Variants in LMNTD1 observed in about 807,000 individuals in gnomAD.
LMNTD1 encodes lamin tail domain-containing protein 1.
In LMNTD1, 35 loss-of-function variants were observed where a neutral mutation model predicts 50.9. The ratio of observed to expected loss-of-function variants is 0.69; its 90% CI spans 0.53 to 0.91. The LOEUF (loss-of-function observed/expected upper bound fraction) is 0.91, where lower values mean the gene tolerates loss of function less well. Among genes scored for constraint, LMNTD1 ranks in the 40% least tolerant of loss-of-function variants. LMNTD1 has a pLI of 0.00. For missense variants in LMNTD1, 470 were observed against 475.5 expected (o/e 0.99, Z 0.11); for synonymous variants, 153 against 161.9 (o/e 0.94, Z 0.42).
chr12:25,479,385 G>A (rs1938370752), intron 9 of LMNTD1, among the ~76,000 whole-genome samples: 1 of 152,104 alleles, frequency 6.6e-6, no homozygotes, highest in Non-Finnish European at 1.5e-5. Context: ...CCTGGCTATG[G>A]GAGAAACAGT....
chr12:25,547,209 G>T lies in LMNTD1; in HGVS notation c.311-655C>A. 2.1e-6 allele frequency: 2 copies of T among 962,994 alleles called. 1 individual carries two copies. The highest frequency in any genetic ancestry group is 9.6e-5 in the South Asian group (2 of 20,766). 59.7% of individuals were successfully genotyped at this position (962,994 alleles called of 1,614,324 possible). A position where few individuals can be genotyped will look rare whatever the true frequency, so the allele number is the denominator to read the frequency against. ...TCTGGACAAATCTAATAATATATCC[G>T]CAAAGGGGGAGTTACATTACAAAGA... On this transcript the variant is annotated intron_variant, in intron 3 of 9. Coordinates refer to ENST00000458174, the MANE Select transcript of LMNTD1 (RefSeq NM_001145728.2).
chr12:25,551,589 C>T (rs1013125582), intron 2 of LMNTD1, among the ~76,000 whole-genome samples: 5 of 152,072 alleles, frequency 3.3e-5, no homozygotes, highest in Admixed American at 2.6e-4. Flanking sequence ...TGTGGTGTTG[C>T]TATGTTGCCC....
chr12:25,620,270 TTTAATG>T (rs1184819857), intron 1 of LMNTD1, among the ~76,000 whole-genome samples: 1 of 152,214 alleles, frequency 6.6e-6, no homozygotes, highest in African/African-American at 2.4e-5. Flanking sequence ...AAAGGCCTTT[TTTAATG>T]TTAACGGAAC....
intron 1 of LMNTD1, among the ~76,000 whole-genome samples, chr12:25,564,309 AG>A (rs1944459228): frequency 6.6e-6 from 1 of 152,174 alleles, no homozygotes; most frequent in Non-Finnish European, 1.5e-5. Context: ...CCCAGGCTGG[AG>A]GGCAGTGGCA....
chr12:25,625,423 G>A (rs1352973314), intron 1 of LMNTD1, among the ~76,000 whole-genome samples: 2 of 152,078 alleles, frequency 1.3e-5, no homozygotes, highest in Non-Finnish European at 2.9e-5. Flanking sequence ...TATTCTGGGT[G>A]GAGTTTCACC....
chr12:25,534,604 G>C (rs576711026), intron 4 of LMNTD1, among the ~76,000 whole-genome samples: 13 of 152,268 alleles, frequency 8.5e-5, no homozygotes, highest in African/African-American at 2.4e-4. Flanking sequence ...TCCCCTTTGA[G>C]TATTTAGCAG....
Position 25,509,440 on chromosome 12 carries a change from C to T in LMNTD1, c.1190-5640G>A, listed in dbSNP as rs527800415. On this transcript the variant is annotated intron_variant, in intron 8 of 9. Coordinates refer to ENST00000458174, the MANE Select transcript of LMNTD1 (RefSeq NM_001145728.2). ...TTCTACTATTCTTTTAGTTTCCATC[C>T]TATATTACAACATGTATTTTTGATT... Among the ~76,000 whole-genome samples the T allele has an allele frequency of 2.6e-5, 4 of 152,306 alleles. No homozygotes were observed. The South Asian group carries it at 8.3e-4, about 32-fold the overall frequency.
intron 1 of LMNTD1, among the ~76,000 whole-genome samples, chr12:25,558,998 G>A (rs537528246): frequency 6.7e-6 from 1 of 148,792 alleles, no homozygotes; most frequent in East Asian, 2.0e-4. Context: ...TTTTTTTTTA[G>A]AATGCTAATC....
intron 1 of LMNTD1, among the ~76,000 whole-genome samples, chr12:25,598,575 T>C (rs1308553096): frequency 6.6e-6 from 1 of 151,784 alleles, no homozygotes; most frequent in Non-Finnish European, 1.5e-5. Context: ...AGTTGTTTTC[T>C]TGAAAAGTTA....
chr12:25,478,903 C>A (rs1387483901), intron 9 of LMNTD1, among the ~76,000 whole-genome samples: 3 of 151,524 alleles, frequency 2.0e-5, no homozygotes, highest in African/African-American at 7.3e-5. Flanking sequence ...GGTGGAATGA[C>A]CCAAACTTTC....
intron 1 of LMNTD1, among the ~76,000 whole-genome samples, chr12:25,626,741 G>A (rs375892035): frequency 7.2e-5 from 11 of 152,212 alleles, no homozygotes; most frequent in African/African-American, 2.6e-4. Flanking sequence ...TTTCTGGGCT[G>A]GGGAGTTCTA....
chr12:25,488,648 C>G (rs566689736), intron 9 of LMNTD1, among the ~76,000 whole-genome samples: 3 of 152,016 alleles, frequency 2.0e-5, no homozygotes, highest in South Asian at 2.1e-4. Flanking sequence ...AAGTCATTCT[C>G]CATCCAGCTT....
At chr12:25,523,625 G>A (rs537520616) in intron 6 of LMNTD1, among the ~76,000 whole-genome samples, 1 of 152,126 alleles carries the variant, frequency 6.6e-6, no homozygotes. Context: ...GTTGCAGATA[G>A]TAATATCCAG....
At chr12:25,574,130 C>T (rs931309292) in intron 1 of LMNTD1, among the ~76,000 whole-genome samples, 1 of 152,192 alleles carries the variant, frequency 6.6e-6, no homozygotes, top group African/African-American at 2.4e-5. Context: ...TTTTCCCAGA[C>T]ATCCAATCTC....
At chr12:25,483,326 A>C (rs879884654) in intron 9 of LMNTD1, among the ~76,000 whole-genome samples, 4 of 151,480 alleles carry the variant, frequency 2.6e-5, no homozygotes, top group Non-Finnish European at 5.9e-5. Flanking sequence ...CGGGAGGCTG[A>C]GGAGGGAGGA....
At chr12:25,567,170 A>C (rs1262212551) in intron 1 of LMNTD1, among the ~76,000 whole-genome samples, 1 of 152,224 alleles carries the variant, frequency 6.6e-6, no homozygotes, top group South Asian at 2.1e-4. Context: ...AAATTCATGC[A>C]TTGTTAGGAA....
chr12:25,546,340 A>T, intron 4 of LMNTD1, 34 bp downstream of exon 4: 2 of 1,392,150 alleles, frequency 1.4e-6, no homozygotes, highest in Non-Finnish European at 1.9e-6. Context: ...CTACCCCGAC[A>T]GAAGATACTA....
intron 1 of LMNTD1, among the ~76,000 whole-genome samples, chr12:25,559,679 C>T (rs1178319704): frequency 1.3e-5 from 2 of 152,160 alleles, no homozygotes; most frequent in Non-Finnish European, 2.9e-5. Flanking sequence ...AAAAGTGTTC[C>T]TATTTCTCCA....
intron 1 of LMNTD1, among the ~76,000 whole-genome samples, chr12:25,619,252 C>CTCTATATATATATATATA (rs1374134268): frequency 1.4e-4 from 12 of 84,444 alleles, no homozygotes; most frequent in Admixed American, 4.6e-4. Context: ...CTCTCTCTCT[C>CTCTATATATATATATATA]TATATATATA....
Sources: gnomAD v4.1 joint callset for allele counts (sites outside exome capture counted in the v4.1 genomes callset) on GRCh38, gnomAD v4.1.1 for gene constraint, MANE v1.5 for transcripts, NCBI Gene and HGNC (gene_info 2026-07-23, HGNC 2026-07-21) for gene names.